MGAM: variants seen among roughly 807,000 people sequenced by gnomAD.
MGAM encodes the protein alpha-1,4-glucosidase.
Under a neutral mutation model 358.8 loss-of-function variants are expected in MGAM, and 253 were observed. That is an observed-to-expected ratio of 0.71 (90% CI 0.64 to 0.78). The LOEUF is 0.78. Ranked by LOEUF, MGAM falls within the 30% of genes least tolerant of loss-of-function variation. The pLI is 0.00. For missense variants in MGAM, 3,080 were observed against 3,432.6 expected, an observed-to-expected ratio of 0.90 and a Z score of 2.57; for synonymous variants, 1,105 against 1,227.1, an observed-to-expected ratio of 0.90 and a Z score of 2.08.
chr7:142,014,472 G>A (rs571111765), intron 3 of MGAM, among the ~76,000 whole-genome samples: 5 of 151,948 alleles, frequency 3.3e-5, no homozygotes, highest in Admixed American at 6.6e-5. Flanking sequence ...TCTATATAGC[G>A]TTAACTTCTT....
In MGAM at chr7:142,037,091, T is replaced by G. The variant is rs28510141; in HGVS notation, c.2231+114T>G. 0.018 allele frequency: 19,152 copies of G among 1,056,614 alleles called. 2,176 individuals are homozygous for G. The African/African-American group carries it at 0.26, about 14-fold the overall frequency. 65.5% of individuals were successfully genotyped at this position (1,056,614 alleles called of 1,614,324 possible). A position where few individuals can be genotyped will look rare whatever the true frequency, so the allele number is the denominator to read the frequency against. ...ATTCAGGCAGTTATTCATATCTATC[T>G]GTATCTATATCTGTAATCTAGCTAT... On this transcript the variant is annotated intron_variant, in intron 18 of 70. Coordinates refer to ENST00000475668, the MANE Select transcript of MGAM (RefSeq NM_001365693.1).
chr7:142,021,839 G>A (rs2272327), intron 6 of MGAM, 102 bp downstream of exon 6: 55,001 of 1,268,692 alleles, frequency 0.043, 6,375 homozygotes, highest in African/African-American at 0.39. Context: ...GAAGGTTGTG[G>A]GCCCATTATT....
At chr7:142,071,161 T>G in intron 44 of MGAM, 43 bp downstream of exon 44, 1 of 1,519,814 alleles carries the variant, frequency 6.6e-7, no homozygotes, top group Non-Finnish European at 9.0e-7. Context: ...TTCAGTTAGC[T>G]CAACAATTTG....
intron 26 of MGAM, among the ~76,000 whole-genome samples, chr7:142,054,200 C>T (rs561996486): frequency 5.3e-5 from 8 of 152,204 alleles, no homozygotes; most frequent in Non-Finnish European, 7.3e-5. Context: ...ACATCACCCA[C>T]GTGTTGTGAG....
Position 142,022,299 on chromosome 7 carries a change from G to T in MGAM, c.742G>T (p.Ala248Ser). Residue 248 changes from alanine (A) to serine (S), a missense_variant, in exon 7 of 71, where the codon GCT (alanine) becomes TCT (serine). Coordinates refer to ENST00000475668, the MANE Select transcript of MGAM (RefSeq NM_001365693.1). ...FDSSIGPLLF[A>S]DQFLQLSTRL... ...CTCGAGCATTGGGCCCCTACTGTTT[G>T]CTGACCAGTTCTTGCAGCTCTCCAC... 1.2e-6 allele frequency: 2 copies of T among 1,612,386 alleles called. No homozygotes were observed. Among genetic ancestry groups the T allele is most frequent in the Non-Finnish European group, 1.7e-6 (2 of 1,179,000 alleles).
Position 142,078,677 on chromosome 7 carries a change from A to G in MGAM, c.5647-131A>G, listed in dbSNP as rs1427870634. ...GCTTGGAGACCAGGAAATTAAATTT[A>G]TGTTATTGCCAAGTGATAAGTGATA... On this transcript the variant is annotated intron_variant, in intron 48 of 70. Transcript: ENST00000475668. 24 of 1,124,098 alleles carry G rather than the reference A, an allele frequency of 2.1e-5. 3 individuals are homozygous for G. Among genetic ancestry groups the G allele is most frequent in the Non-Finnish European group, 3.0e-5 (24 of 797,450 alleles). 69.6% of individuals were successfully genotyped at this position (1,124,098 alleles called of 1,614,324 possible).
chr7:142,027,418 A>G (rs953677950), intron 9 of MGAM, among the ~76,000 whole-genome samples, 191 bp downstream of exon 9: 12 of 152,244 alleles, frequency 7.9e-5, no homozygotes, highest in African/African-American at 2.4e-4. Context: ...GTGAGAGAAT[A>G]TAAAGGTGCC....
At chr7:142,042,559 T>A (rs866505993) in intron 21 of MGAM, among the ~76,000 whole-genome samples, 2 of 12,398 alleles carry the variant, frequency 1.6e-4, no homozygotes, top group African/African-American at 3.7e-4. Context: ...ATATACATAT[T>A]ATATATAATA....
chr7:142,008,357 G>A, intron 2 of MGAM, 149 bp from the exon 3 acceptor site: 1 of 820,522 alleles, frequency 1.2e-6, no homozygotes, highest in Non-Finnish European at 1.9e-6. Context: ...CAGGAACAAA[G>A]TGACATTTTA....
intron 54 of MGAM, among the ~76,000 whole-genome samples, chr7:142,085,421 A>G (rs1814658336): frequency 6.9e-6 from 1 of 145,876 alleles, no homozygotes; most frequent in African/African-American, 2.4e-5. Flanking sequence ...TTTGCAGTAG[A>G]TTTACCATCC....
chr7:141,996,843 T>C (rs1804274554), intron 1 of MGAM, among the ~76,000 whole-genome samples: 1 of 151,984 alleles, frequency 6.6e-6, no homozygotes, highest in Non-Finnish European at 1.5e-5. Flanking sequence ...AGGTTTCCTG[T>C]GGAATGTGGG....
chr7:142,002,308 A>G (rs1285940), intron 1 of MGAM, among the ~76,000 whole-genome samples: 67,832 of 151,930 alleles, frequency 0.45, 16,271 homozygotes, highest in East Asian at 0.68. Context: ...ATTAACATAG[A>G]TTCAAAAATT....
intron 21 of MGAM, among the ~76,000 whole-genome samples, chr7:142,043,738 ACAT>A (rs1809451119): frequency 1.2e-5 from 1 of 86,464 alleles, no homozygotes; most frequent in South Asian, 3.4e-4. Flanking sequence ...TATAATATAT[ACAT>A]TATATACACA....
At chr7:142,085,322 T>C (rs1297245127) in intron 54 of MGAM, among the ~76,000 whole-genome samples, 2 of 146,804 alleles carry the variant, frequency 1.4e-5, no homozygotes, top group East Asian at 4.0e-4. Context: ...AAATGCAATA[T>C]TTCATTCTCC....
At chr7:142,092,987 CT>C (rs1815539601) in intron 59 of MGAM, among the ~76,000 whole-genome samples, 1 of 146,322 alleles carries the variant, frequency 6.8e-6, no homozygotes, top group South Asian at 2.2e-4. Context: ...TGGAGTTACA[CT>C]TGGGTTCATA....
chr7:142,055,433 T>C, intron 27 of MGAM, 125 bp from the exon 28 acceptor site: 1 of 1,177,308 alleles, frequency 8.5e-7, no homozygotes, highest in South Asian at 1.3e-5. Context: ...TGAGTTTCAG[T>C]TTTGTTTGGG....
At position 142,086,570 on chromosome 7, in the gene MGAM, C is replaced by A; in HGVS notation, c.6748-85C>A. 1.0e-5 allele frequency: 8 copies of A among 763,798 alleles called. 2 individuals are homozygous for A. Among genetic ancestry groups the A allele is most frequent in the Non-Finnish European group, 1.6e-5 (8 of 505,564 alleles). The allele number at this position is 763,798 out of a possible 1,614,324, so 47.3% of individuals were successfully genotyped here. A position where few individuals can be genotyped will look rare whatever the true frequency, so the allele number is the denominator to read the frequency against. On this transcript the variant is annotated intron_variant, in intron 56 of 70. Transcript: ENST00000475668. ...ATAATCAAAGTATTGCTCCTAGGAA[C>A]ATGGTTTATATAATAATTTCTTTGG...
chr7:142,100,991 C>T (rs1161656898), intron 68 of MGAM, 101 bp downstream of exon 68: 24 of 1,061,232 alleles, frequency 2.3e-5, no homozygotes, highest in Non-Finnish European at 3.3e-5. Context: ...AACAATTTTG[C>T]ATTTTAAAAT....
chr7:142,017,459 A>G (rs10260094), intron 3 of MGAM, among the ~76,000 whole-genome samples: 5,686 of 152,248 alleles, frequency 0.037, 351 homozygotes, highest in African/African-American at 0.13. Context: ...GCTCTACTGT[A>G]GAAGCTGGCA....
Sources: gnomAD v4.1 joint callset for allele counts (sites outside exome capture counted in the v4.1 genomes callset) on GRCh38, gnomAD v4.1.1 for gene constraint, MANE v1.5 for transcripts, NCBI Gene and HGNC (gene_info 2026-07-23, HGNC 2026-07-21) for gene names.